Variants in ALDH16A1 observed in about 807,000 individuals in gnomAD.
ALDH16A1 encodes aldehyde dehydrogenase family 16 member A1.
Under a neutral mutation model 96.1 loss-of-function variants are expected in ALDH16A1, and 88 were observed. The ratio of observed to expected loss-of-function variants is 0.92; its 90% confidence interval spans 0.77 to 1.09. The LOEUF (loss-of-function observed/expected upper bound fraction) is 1.09, where lower values mean the gene tolerates loss of function less well. ALDH16A1 is among the 50% of genes least tolerant of loss of function. The pLI, the probability that ALDH16A1 is intolerant of heterozygous loss-of-function variation, is 0.00. For missense variants in ALDH16A1, 1,250 were observed against 1,112.6 expected (o/e 1.12, Z -1.76); for synonymous variants, 522 against 496.4 (o/e 1.05, Z -0.69).
chr19:49,459,543 C>A lies in ALDH16A1; in HGVS notation c.321-127C>A. 9.3e-7 allele frequency: 1 copy of A among 1,077,292 alleles called. No individual in the cohort carries two copies. The highest frequency in any genetic ancestry group is 1.3e-6 in the Non-Finnish European group (1 of 772,490). The allele number at this position is 1,077,292 out of a possible 1,614,324, so 66.7% of individuals were successfully genotyped here. ...TCTCATAAATCTTCACTGCCCTCTGCCCCAGGTAAATGGTGGGGATGCCTC... is the reference window on the plus strand; with the variant it reads ...TCTCATAAATCTTCACTGCCCTCTGACCCAGGTAAATGGTGGGGATGCCTC... On this transcript the variant is annotated intron_variant, in intron 3 of 16. Coordinates refer to ENST00000293350, the MANE Select transcript of ALDH16A1 (RefSeq NM_153329.4). The surrounding 1 kb of genome is among the most constrained non-coding windows in gnomAD (Gnocchi z 4.1).
intron 5 of ALDH16A1, among the ~76,000 whole-genome samples, chr19:49,461,122 T>C (rs2079138543): frequency 7.1e-6 from 1 of 140,994 alleles, no homozygotes; most frequent in African/African-American, 2.7e-5. Context: ...TCTGGACTCC[T>C]GAGTCTGAGG....
At chr19:49,466,318 A>G in intron 14 of ALDH16A1, 35 bp downstream of exon 14, 1 of 1,425,994 alleles carries the variant, frequency 7.0e-7, no homozygotes, top group African/African-American at 1.5e-5. Flanking sequence ...CCAGCTGGGC[A>G]GGCGGGGTGG....
At chr19:49,461,846 A>G in intron 6 of ALDH16A1, 38 bp from the exon 7 acceptor site, 1 of 1,599,090 alleles carries the variant, frequency 6.3e-7, no homozygotes, top group Non-Finnish European at 8.5e-7. Flanking sequence ...TGGGGGCCGC[A>G]AGGCTCCTCC....
intron 10 of ALDH16A1, 21 bp downstream of exon 10, chr19:49,464,284 C>A: frequency 1.9e-6 from 3 of 1,597,576 alleles, no homozygotes; most frequent in South Asian, 2.2e-5. Flanking sequence ...GTGGCCCGGG[C>A]GCTCACTCCT....
intron 1 of ALDH16A1, among the ~76,000 whole-genome samples, chr19:49,453,853 C>G (rs2079088311): frequency 6.6e-6 from 1 of 152,002 alleles, no homozygotes; most frequent in African/African-American, 2.4e-5. Flanking sequence ...CAGAGCACCC[C>G]AGACCTCCTG....
chr19:49,461,302 T>G (rs2079141719), intron 5 of ALDH16A1, among the ~76,000 whole-genome samples: 2 of 138,862 alleles, frequency 1.4e-5, no homozygotes, highest in African/African-American at 3.0e-5. Context: ...CCTGGACTCC[T>G]GGGTCTGAGG....
Position 49,458,466 on chromosome 19 carries a change from A to T in ALDH16A1, c.91-20A>T, listed in dbSNP as rs1200213478. ...CAGCTCCTCCCGAACCCCTTTCCAA[A>T]CTGTCTCTACCTCCCCCAGGCCTGG... On this transcript the variant is annotated intron_variant, in intron 1 of 16. Coordinates refer to ENST00000293350, the MANE Select transcript of ALDH16A1 (RefSeq NM_153329.4). 1 of 1,551,770 alleles carries T rather than the reference A, an allele frequency of 6.4e-7. No homozygotes were observed. The highest frequency in any genetic ancestry group is 8.7e-7 in the Non-Finnish European group (1 of 1,146,370).
Position 49,453,394 on chromosome 19 carries a change from G to A in ALDH16A1, c.63G>A (p.Pro21=), listed in dbSNP as rs1227547045. The A allele has an allele frequency of 4.5e-6, 7 of 1,560,222 alleles. No homozygotes were observed. The highest frequency in any genetic ancestry group is 1.9e-5 in the Admixed American group (1 of 53,670). ...REIFTSLEYG[P]VPESHACALA... ...TCTTCACCTCGCTGGAGTACGGACCGGTGCCGGAGAGCCACGCATGCGCAC... is the reference window on the plus strand; with the variant it reads ...TCTTCACCTCGCTGGAGTACGGACCAGTGCCGGAGAGCCACGCATGCGCAC... Residue 21 remains proline (P), a synonymous_variant, in exon 1 of 17, where the codon CCG becomes CCA. Coordinates refer to ENST00000293350, the MANE Select transcript of ALDH16A1 (RefSeq NM_153329.4).
chr19:49,464,112 G>T lies in ALDH16A1; in HGVS notation c.1195-15G>T. 1 of 1,603,366 alleles carries T rather than the reference G, an allele frequency of 6.2e-7. No homozygotes were observed. The highest frequency in any genetic ancestry group is 8.5e-7 in the Non-Finnish European group (1 of 1,175,936). The stretch of plus-strand genomic sequence containing the variant: ...TGGGCCCTGGAGGGCTGAGCCTCCC[G>T]GTCACCCCTTGCAGGTGCCGTGGCC... On this transcript the variant is annotated splice_polypyrimidine_tract_variant and intron_variant, in intron 9 of 16. Coordinates refer to ENST00000293350, the MANE Select transcript of ALDH16A1 (RefSeq NM_153329.4).
At chr19:49,455,140 G>C (rs1047570204) in intron 1 of ALDH16A1, among the ~76,000 whole-genome samples, 4 of 149,946 alleles carry the variant, frequency 2.7e-5, no homozygotes, top group African/African-American at 7.4e-5. Context: ...AAAAATGGCT[G>C]GGCGCAGTGG....
chr19:49,460,703 C>A, intron 4 of ALDH16A1, 119 bp from the exon 5 acceptor site: 1 of 875,414 alleles, frequency 1.1e-6, no homozygotes, highest in Non-Finnish European at 1.8e-6. Flanking sequence ...CGTGAGCCAC[C>A]ACACCCGGCC....
chr19:49,464,147 G>A lies in ALDH16A1; in HGVS notation c.1215G>A (p.Val405=). 3 of 1,608,720 alleles carry A rather than the reference G, an allele frequency of 1.9e-6. No individual in the cohort carries two copies. Among genetic ancestry groups the A allele is most frequent in the Non-Finnish European group, 8.5e-7 (1 of 1,179,408 alleles). ...TGCAGGTGCCGTGGCCTGTGGTCGT[G>A]GCCTCCCCCTTCCGCACAGCCAAGG... ...AQVEVPWPVV[V]ASPFRTAKEA... is the part of the protein sequence containing the mutation. The change falls in exon 10 of 17, where the codon GTG becomes GTA. Residue 405 remains valine (V), a synonymous_variant. Transcript: ENST00000293350.
In ALDH16A1 at chr19:49,465,793, C is replaced by G. The variant is rs559860262; in HGVS notation, c.1624C>G (p.Arg542Gly). The G allele has an allele frequency of 3.7e-6, 6 of 1,614,118 alleles. No homozygotes were observed. The Admixed American group carries it at 8.3e-5, about 22-fold the overall frequency. ...VGGRFQAPGARSSRPIRDSSG... is the reference protein window; with the variant it reads ...VGGRFQAPGAGSSRPIRDSSG... Reference sequence around the variant, plus strand: ...GGGCCGTTTCCAGGCTCCTGGGGCCCGAAGCTCCAGGCCCATCCGGGATTC... The same window carrying G: ...GGGCCGTTTCCAGGCTCCTGGGGCCGGAAGCTCCAGGCCCATCCGGGATTC... Residue 542 changes from arginine to glycine, a missense_variant, in exon 13 of 17, where the codon CGA becomes GGA. Arg to Gly is a moderately radical substitution (Grantham distance 125). Transcript: ENST00000293350.
chr19:49,465,691 G>A (rs1261223070), intron 12 of ALDH16A1, 47 bp from the exon 13 acceptor site: 2 of 1,573,710 alleles, frequency 1.3e-6, no homozygotes, highest in Non-Finnish European at 1.7e-6. Context: ...TAGGGTCTGA[G>A]CAGATTGAGG....
chr19:49,461,429 G>C (rs1601025901), intron 5 of ALDH16A1, among the ~76,000 whole-genome samples, 190 bp from the exon 6 acceptor site: 10 of 120,660 alleles, frequency 8.3e-5, no homozygotes, highest in East Asian at 2.4e-4. Context: ...GGGAGGAGGG[G>C]CTGGGCCTGG....
At position 49,460,996 on chromosome 19, in the gene ALDH16A1, G is replaced by T. The variant is rs137875469; in HGVS notation, c.577+97G>T. On this transcript the variant is annotated intron_variant, in intron 5 of 16. Transcript: ENST00000293350. ...AGTCTGAGAGACAAGGGGGCTGGAG[G>T]CCTGGACTCTGTGGAAGGAGTCTGT... 1.3e-3 allele frequency: 1,699 copies of T among 1,333,910 alleles called. 19 individuals carry two copies. In the African/African-American group the frequency reaches 0.022, roughly 17 times the overall value. 82.6% of individuals were successfully genotyped at this position (1,333,910 alleles called of 1,614,324 possible).
intron 16 of ALDH16A1, 58 bp from the exon 17 acceptor site, chr19:49,470,248 G>T (rs1192033249): frequency 6.3e-7 from 1 of 1,594,490 alleles, no homozygotes; most frequent in East Asian, 2.3e-5. Flanking sequence ...CGCGGAGGAA[G>T]CAGGTGCTCA....
At position 49,464,538 on chromosome 19, in the gene ALDH16A1, C is replaced by G. The variant is rs1044342828; in HGVS notation, c.1437+16C>G. The G allele has an allele frequency of 4.3e-6, 7 of 1,613,288 alleles. No homozygotes were observed. In the Admixed American group the frequency reaches 6.7e-5, roughly 15 times the overall value. ...GGGCCCAGACGTGAGTACATCCCCT[C>G]CCCGTCACCAGCCCCCCCGCCGCCC... On this transcript the variant is annotated intron_variant, in intron 11 of 16. Coordinates refer to ENST00000293350, the MANE Select transcript of ALDH16A1 (RefSeq NM_153329.4).
At chr19:49,456,433 C>CTAGCA (rs2079105283) in intron 1 of ALDH16A1, among the ~76,000 whole-genome samples, 1 of 152,176 alleles carries the variant, frequency 6.6e-6, no homozygotes, top group African/African-American at 2.4e-5. Flanking sequence ...GTCGCCCAGG[C>CTAGCA]TAGCATTCAG....
Sources: allele counts gnomAD v4.1 joint callset (sites outside exome capture counted in the v4.1 genomes callset), GRCh38; gene constraint gnomAD v4.1.1; non-coding constraint Gnocchi (gnomAD v3.1); transcripts MANE v1.5; gene names NCBI Gene and HGNC (gene_info 2026-07-23, HGNC 2026-07-21).